CACNA2D3: variants seen among roughly 807,000 people sequenced by gnomAD.
CACNA2D3 encodes voltage-dependent calcium channel subunit alpha-2/delta-3.
CACNA2D3 carries 60 observed loss-of-function variants against 160.6 expected under a neutral mutation model. The observed-to-expected ratio is 0.37, with a 90% CI of 0.30 to 0.46. CACNA2D3 has a LOEUF of 0.46. Ranked by LOEUF, CACNA2D3 falls within the 20% of genes least tolerant of loss-of-function variation. The probability of loss-of-function intolerance (pLI) is 1.00; values close to 1 mark genes in which losing one functional copy is unlikely to be tolerated. For missense variants in CACNA2D3, 1,205 were observed against 1,365.0 expected, an observed-to-expected ratio of 0.88 and a Z score of 1.85; for synonymous variants, 558 against 492.9, an observed-to-expected ratio of 1.13 and a Z score of -1.75.
rs780470799 is a variant in CACNA2D3, at chr3:55,018,308, A to T, written c.2978A>T (p.Asp993Val). The T allele has an allele frequency of 1.9e-6, 3 of 1,606,196 alleles. No individual in the cohort carries two copies. Among genetic ancestry groups the T allele is most frequent in the Admixed American group, 3.3e-5 (2 of 59,898 alleles). ...ACTACAGGGAATATTGCTTGTGAAGACTGCTCCAAGTAAGCCATCCCCCCA... is the reference window on the plus strand; with the variant it reads ...ACTACAGGGAATATTGCTTGTGAAGTCTGCTCCAAGTAAGCCATCCCCCCA... ...KETTGNIACE[D>V]CSKSFVIQQI... Residue 993 changes from aspartate to valine, a missense_variant, in exon 35 of 38, where the codon GAC (aspartate) becomes GTC (valine). Physicochemically the swap from Asp to Val is radical, Grantham distance 152 (BLOSUM62 -3). Transcript: ENST00000474759.
chr3:54,303,820 T>G (rs1703532954), intron 2 of CACNA2D3, among the ~76,000 whole-genome samples: 1 of 55,570 alleles, frequency 1.8e-5, no homozygotes, highest in Non-Finnish European at 4.3e-5. Flanking sequence ...TTTTTTCTGT[T>G]TTTTTTTTTT....
At chr3:54,643,548 A>G (rs549732206) in intron 11 of CACNA2D3, among the ~76,000 whole-genome samples, 2 of 152,338 alleles carry the variant, frequency 1.3e-5, no homozygotes, top group Non-Finnish European at 1.5e-5. Context: ...TCCAGGAATA[A>G]ATTTGATCAA....
At chr3:54,976,349 G>A (rs138210462) in intron 29 of CACNA2D3, among the ~76,000 whole-genome samples, 1 of 148,338 alleles carries the variant, frequency 6.7e-6, no homozygotes, top group Non-Finnish European at 1.5e-5. Context: ...GGGGAGGGGG[G>A]AGAGATAGCA....
chr3:54,888,286 C>T (rs2360660), intron 24 of CACNA2D3, among the ~76,000 whole-genome samples: 16,768 of 152,110 alleles, frequency 0.11, 944 homozygotes, highest in Middle Eastern at 0.18. Context: ...AAATTTGGTA[C>T]GCTGAGGTAG....
intron 13 of CACNA2D3, among the ~76,000 whole-genome samples, chr3:54,781,221 G>A (rs1474541147): frequency 6.6e-6 from 1 of 152,256 alleles, no homozygotes; most frequent in Non-Finnish European, 1.5e-5. Flanking sequence ...CTTGGCCACA[G>A]TACATACATT....
chr3:54,918,634 G>A, intron 27 of CACNA2D3: 1 of 1,614,184 alleles, frequency 6.2e-7, no homozygotes, highest in Non-Finnish European at 8.5e-7. Context: ...GATGATGACA[G>A]TGGCAATGGC....
chr3:54,586,113 A>G (rs1195805334), intron 9 of CACNA2D3, among the ~76,000 whole-genome samples: 1 of 152,022 alleles, frequency 6.6e-6, no homozygotes, highest in East Asian at 1.9e-4. Flanking sequence ...AAGTACAAAA[A>G]ATTAGCTGGG....
chr3:54,417,796 G>GTGT (rs879810985), intron 4 of CACNA2D3, among the ~76,000 whole-genome samples: 37 of 86,968 alleles, frequency 4.3e-4, no homozygotes, highest in East Asian at 6.8e-4. Flanking sequence ...CTGTGTGTGT[G>GTGT]GGGGGGGGGG....
chr3:54,568,913 C>CG (rs1444554256), intron 6 of CACNA2D3, among the ~76,000 whole-genome samples: 1 of 152,066 alleles, frequency 6.6e-6, no homozygotes, highest in Non-Finnish European at 1.5e-5. Flanking sequence ...CATTGTTAAT[C>CG]GGAAAAAAAG....
intron 2 of CACNA2D3, among the ~76,000 whole-genome samples, chr3:54,309,806 C>T (rs1254599262): frequency 1.3e-5 from 2 of 152,058 alleles, no homozygotes; most frequent in Non-Finnish European, 2.9e-5. Context: ...CCATGCTTCT[C>T]AACCCCCTAA....
chr3:54,936,694 C>G (rs529526587), intron 27 of CACNA2D3, among the ~76,000 whole-genome samples: 1 of 152,024 alleles, frequency 6.6e-6, no homozygotes, highest in Non-Finnish European at 1.5e-5. Flanking sequence ...CCAGTCAGCC[C>G]GTCGCTAGTA....
rs112610859 is a variant in CACNA2D3 at position 54,822,615 on chromosome 3, A to G, written c.1398+5745A>G. Among the ~76,000 whole-genome samples, 700 of 152,266 alleles carry G rather than the reference A, an allele frequency of 4.6e-3. 6 individuals are homozygous for G. Among genetic ancestry groups the G allele is most frequent in the African/African-American group, 0.015 (610 of 41,554 alleles). ...CAGATTCAAAGTGCATGGCTTCCTA[A>G]TGGCAGGATAGCCAGCAGGACAGCA... is the stretch of plus-strand genomic sequence containing the variant. On this transcript the variant is annotated intron_variant, in intron 14 of 37. Transcript: ENST00000474759.
chr3:54,719,968 T>C (rs1026610706), intron 11 of CACNA2D3, among the ~76,000 whole-genome samples: 3 of 151,992 alleles, frequency 2.0e-5, no homozygotes, highest in South Asian at 4.1e-4. Context: ...CTTTTTCACA[T>C]GTAAAAGATC....
intron 11 of CACNA2D3, among the ~76,000 whole-genome samples, chr3:54,735,035 G>A (rs1188947220): frequency 6.6e-6 from 1 of 152,210 alleles, no homozygotes; most frequent in African/African-American, 2.4e-5. Context: ...CGTGGAGACA[G>A]GAAGCACACC....
intron 27 of CACNA2D3, chr3:54,918,229 G>A: frequency 2.1e-6 from 1 of 480,266 alleles, no homozygotes; most frequent in Non-Finnish European, 3.7e-6. Context: ...AACTTCCCAG[G>A]CCCAGAGCAC....
At chr3:54,199,764 T>C (rs1053269954) in intron 2 of CACNA2D3, among the ~76,000 whole-genome samples, 5 of 152,200 alleles carry the variant, frequency 3.3e-5, no homozygotes, top group Non-Finnish European at 1.5e-5. Context: ...TTTCCCTGAA[T>C]ACACTAGATT....
At chr3:54,313,284 A>G (rs1703781905) in intron 2 of CACNA2D3, among the ~76,000 whole-genome samples, 1 of 152,100 alleles carries the variant, frequency 6.6e-6, no homozygotes, top group African/African-American at 2.4e-5. Flanking sequence ...ATGTCTCTCC[A>G]GGAGCCCTGC....
intron 35 of CACNA2D3, among the ~76,000 whole-genome samples, chr3:55,033,859 A>AT (rs1272939454): frequency 8.9e-6 from 1 of 111,910 alleles, no homozygotes; most frequent in African/African-American, 3.3e-5. Context: ...TATTAAATAT[A>AT]TTTAATATAT....
intron 2 of CACNA2D3, among the ~76,000 whole-genome samples, chr3:54,202,395 C>G (rs1052120880): frequency 5.3e-5 from 8 of 152,216 alleles, no homozygotes; most frequent in African/African-American, 1.9e-4. Context: ...CTGGAAGAAT[C>G]CAGCCCCAAG....
Sources: allele counts gnomAD v4.1 joint callset (sites outside exome capture counted in the v4.1 genomes callset), GRCh38; gene constraint gnomAD v4.1.1; transcripts MANE v1.5; gene names NCBI Gene and HGNC (gene_info 2026-07-23, HGNC 2026-07-21).